WDFY4: variants seen among roughly 807,000 people sequenced by gnomAD.
WDFY4 encodes WD repeat- and FYVE domain-containing protein 4.
In WDFY4, 169 loss-of-function variants were observed where a neutral mutation model predicts 351.9. The ratio of observed to expected loss-of-function variants is 0.48; its 90% CI spans 0.42 to 0.55. WDFY4 has a LOEUF of 0.55. Among genes scored for constraint, WDFY4 ranks in the 20% least tolerant of loss-of-function variants. The probability of loss-of-function intolerance (pLI) is 0.00; values close to 1 mark genes in which losing one functional copy is unlikely to be tolerated. For missense variants in WDFY4, 3,803 were observed against 3,935.6 expected (o/e 0.97, Z 0.90); for synonymous variants, 1,622 against 1,574.6 (o/e 1.03, Z -0.71).
At chr10:48,880,674 T>G (rs1377193632) in intron 43 of WDFY4, among the ~76,000 whole-genome samples, 1 of 152,222 alleles carries the variant, frequency 6.6e-6, no homozygotes, top group Non-Finnish European at 1.5e-5. Flanking sequence ...GTTCGGCTCC[T>G]GGCCCAGAGG....
intron 39 of WDFY4, among the ~76,000 whole-genome samples, chr10:48,860,521 A>G (rs2069299341): frequency 6.6e-6 from 1 of 152,230 alleles, no homozygotes; most frequent in African/African-American, 2.4e-5. Flanking sequence ...ACCCCATGGC[A>G]GCATCAAACC....
At chr10:48,890,480 A>G (rs1448724180) in intron 43 of WDFY4, 99 bp from the exon 44 acceptor site, 17 of 1,431,748 alleles carry the variant, frequency 1.2e-5, no homozygotes, top group South Asian at 5.3e-5. Flanking sequence ...CTCACCTCCA[A>G]TTGCCCCATG....
intron 39 of WDFY4, among the ~76,000 whole-genome samples, chr10:48,843,306 C>A (rs530884308): frequency 2.1e-4 from 32 of 152,236 alleles, no homozygotes; most frequent in South Asian, 1.7e-3. Flanking sequence ...TATATGAAGG[C>A]TGTGATTGAG....
At chr10:48,804,243 T>A (rs570888178) in intron 25 of WDFY4, among the ~76,000 whole-genome samples, 1 of 152,334 alleles carries the variant, frequency 6.6e-6, no homozygotes, top group East Asian at 1.9e-4. Context: ...CTTCAGCATT[T>A]TGAATGTATT....
At chr10:48,828,667 T>C in intron 36 of WDFY4, 111 bp from the exon 37 acceptor site, 1 of 638,738 alleles carries the variant, frequency 1.6e-6, no homozygotes, top group Non-Finnish European at 2.5e-6. Flanking sequence ...TTTTTTTCCA[T>C]ATTGATATAG....
chr10:48,725,674 G>A (rs568478283), intron 5 of WDFY4, among the ~76,000 whole-genome samples: 57 of 152,206 alleles, frequency 3.7e-4, no homozygotes, highest in African/African-American at 1.2e-3. Flanking sequence ...GGGTTAATGC[G>A]GTCAGAATTG....
intron 39 of WDFY4, among the ~76,000 whole-genome samples, chr10:48,850,447 C>T (rs1397167411): frequency 6.6e-6 from 1 of 152,090 alleles, no homozygotes; most frequent in African/African-American, 2.4e-5. Context: ...ATGGTTCCAG[C>T]TTTTTTCTCA....
intron 52 of WDFY4, among the ~76,000 whole-genome samples, chr10:48,958,079 G>A (rs1381267988): frequency 2.0e-5 from 3 of 152,186 alleles, no homozygotes; most frequent in Middle Eastern, 3.2e-3. Context: ...TTCTGCCTCC[G>A]GACAGCACAT....
chr10:48,839,135 A>G (rs1469657237), intron 39 of WDFY4, among the ~76,000 whole-genome samples: 1 of 152,232 alleles, frequency 6.6e-6, no homozygotes, highest in African/African-American at 2.4e-5. Flanking sequence ...AAAGCTCACG[A>G]GCCCAGAGAG....
chr10:48,814,118 TTC>T (rs1162149538), intron 31 of WDFY4, 36 bp downstream of exon 31: 1 of 1,489,750 alleles, frequency 6.7e-7, no homozygotes, highest in Non-Finnish European at 9.0e-7. Flanking sequence ...CCCGAGGAGG[TTC>T]TGATGGGAAG....
chr10:48,927,615 G>T (rs1589918577), intron 47 of WDFY4, among the ~76,000 whole-genome samples: 1 of 152,176 alleles, frequency 6.6e-6, no homozygotes, highest in Admixed American at 6.5e-5. Flanking sequence ...AGCTTTGTCT[G>T]CCCCTAGTAT....
At chr10:48,966,943 C>A in intron 55 of WDFY4, 1 of 458,074 alleles carries the variant, frequency 2.2e-6, no homozygotes, top group Non-Finnish European at 3.9e-6. Flanking sequence ...ACAGACACCT[C>A]TTTCAGGCAC....
chr10:48,851,938 T>C (rs537701750), intron 39 of WDFY4, among the ~76,000 whole-genome samples: 46 of 152,354 alleles, frequency 3.0e-4, no homozygotes, highest in Non-Finnish European at 5.4e-4. Flanking sequence ...GCCTCCCAAA[T>C]CTCCAAACAG....
intron 58 of WDFY4, among the ~76,000 whole-genome samples, chr10:48,975,964 A>G (rs1410655497): frequency 6.6e-6 from 1 of 152,218 alleles, no homozygotes; most frequent in Non-Finnish European, 1.5e-5. Flanking sequence ...GGGAGAATAT[A>G]AAACCCATCA....
rs188870203 is a variant in WDFY4 at position 48,843,591 on chromosome 10, A to C, written c.6663+10882A>C. Among the ~76,000 whole-genome samples the C allele has an allele frequency of 1.4e-3, 206 of 152,326 alleles. 6 individuals carry two copies. The highest frequency in any genetic ancestry group is 1.1e-3 in the Non-Finnish European group (74 of 68,022). On this transcript the variant is annotated intron_variant, in intron 39 of 61. Coordinates refer to ENST00000325239, the MANE Select transcript of WDFY4 (RefSeq NM_001394531.1). ...AAAAATGTATACTGTATGTATCAAGATCTTGTAAAGTAAAACAGATTTGAA... is the reference window on the plus strand; with the variant it reads ...AAAAATGTATACTGTATGTATCAAGCTCTTGTAAAGTAAAACAGATTTGAA...
chr10:48,917,301 G>T (rs1211595825), intron 47 of WDFY4, among the ~76,000 whole-genome samples: 2 of 152,176 alleles, frequency 1.3e-5, no homozygotes, highest in African/African-American at 4.8e-5. Context: ...ATCTCAGAAA[G>T]TGTGGAAAAA....
chr10:48,961,257 T>C (rs578177762), intron 53 of WDFY4, among the ~76,000 whole-genome samples: 1 of 152,218 alleles, frequency 6.6e-6, no homozygotes, highest in South Asian at 2.1e-4. Context: ...GGGCCAGAGA[T>C]GAATGTAACT....
chr10:48,833,262 A>G (rs1159760177), intron 39 of WDFY4, among the ~76,000 whole-genome samples: 2 of 151,714 alleles, frequency 1.3e-5, no homozygotes, highest in Non-Finnish European at 2.9e-5. Context: ...TCTCTGCCCC[A>G]CAGTGTCTGG....
At chr10:48,812,097 ACTTTTCAAGGCTGGT>A (rs1340235357) in intron 30 of WDFY4, among the ~76,000 whole-genome samples, 3 of 151,342 alleles carry the variant, frequency 2.0e-5, no homozygotes, top group Non-Finnish European at 4.4e-5. Flanking sequence ...GGACAGGGAG[ACTTTTCAAGGCTGGT>A]CATGGATTCC....
Sources: allele counts gnomAD v4.1 joint callset (sites outside exome capture counted in the v4.1 genomes callset), GRCh38; gene constraint gnomAD v4.1.1; transcripts MANE v1.5; gene names NCBI Gene and HGNC (gene_info 2026-07-23, HGNC 2026-07-21).